Variants in UBR2 observed in about 807,000 individuals in gnomAD.
UBR2 encodes E3 ubiquitin-protein ligase UBR2.
A neutral mutation model predicts 247.9 loss-of-function variants in UBR2; 92 were observed. The observed-to-expected ratio is 0.37, with a 90% confidence interval of 0.31 to 0.44. The LOEUF (loss-of-function observed/expected upper bound fraction) is 0.44, where lower values mean the gene tolerates loss of function less well. UBR2 is among the 20% of genes least tolerant of loss of function. The pLI is 1.00. For missense variants in UBR2, 1,613 were observed against 2,112.6 expected (o/e 0.76, Z 4.64); for synonymous variants, 672 against 693.5 (o/e 0.97, Z 0.49).
chr6:42,684,902 C>T, intron 44 of UBR2, 31 bp downstream of exon 44: 2 of 1,561,134 alleles, frequency 1.3e-6, no homozygotes, highest in Non-Finnish European at 1.8e-6. Flanking sequence ...TGAACATTCC[C>T]TGCCACTGGA....
chr6:42,653,379 A>T (rs888190502), intron 25 of UBR2, among the ~76,000 whole-genome samples: 1 of 151,918 alleles, frequency 6.6e-6, no homozygotes, highest in Non-Finnish European at 1.5e-5. Context: ...CACTATGCCC[A>T]GCCCCTTGTT....
At position 42,616,024 on chromosome 6, in the gene UBR2, G is replaced by A. The variant is rs373431446; in HGVS notation, c.1116G>A (p.Gln372=). 1 of 1,605,362 alleles carries A rather than the reference G, an allele frequency of 6.2e-7. No homozygotes were observed. The stretch of plus-strand genomic sequence containing the variant: ...AAGGTGCTAGGAGTGTATATCATCA[G>A]TTGTTCATGAGCAGTCTGCTTATGG... ...LWKGARSVYH[Q]LFMSSLLMDL... Residue 372 remains glutamine (Q), a synonymous_variant, in exon 10 of 47, where the codon CAG becomes CAA. Coordinates refer to ENST00000372901, the MANE Select transcript of UBR2 (RefSeq NM_001363705.2).
At chr6:42,687,523 T>C (rs1234827552) in intron 44 of UBR2, among the ~76,000 whole-genome samples, 1 of 145,654 alleles carries the variant, frequency 6.9e-6, no homozygotes, top group Non-Finnish European at 1.5e-5. Context: ...GTATGTTGTA[T>C]TTTATTTTAT....
Position 42,691,015 on chromosome 6 carries a change from G to T in UBR2, c.5127-17G>T. On this transcript the variant is annotated splice_polypyrimidine_tract_variant and intron_variant, in intron 46 of 46. Coordinates refer to ENST00000372901, the MANE Select transcript of UBR2 (RefSeq NM_001363705.2). ...AAACAGAACACATTCTGAGTGACAT[G>T]TGTCTTCTCTTTCTAGACGGGGAAA... 1 of 1,613,160 alleles carries T rather than the reference G, an allele frequency of 6.2e-7. No homozygotes were observed. The highest frequency in any genetic ancestry group is 1.1e-5 in the South Asian group (1 of 90,998).
At chr6:42,650,970 C>T (rs1214270466) in intron 23 of UBR2, among the ~76,000 whole-genome samples, 1 of 151,918 alleles carries the variant, frequency 6.6e-6, no homozygotes, top group Non-Finnish European at 1.5e-5. Flanking sequence ...GCATGTAATC[C>T]CAGCACTTTG....
intron 11 of UBR2, 122 bp from the exon 12 acceptor site, chr6:42,632,430 A>G: frequency 2.5e-6 from 2 of 803,524 alleles, no homozygotes; most frequent in South Asian, 2.7e-5. Flanking sequence ...TGCATTTATG[A>G]TATATAGTTG....
intron 6 of UBR2, 70 bp downstream of exon 6, chr6:42,605,929 G>C: frequency 1.5e-6 from 2 of 1,304,336 alleles, no homozygotes; most frequent in South Asian, 1.4e-5. Context: ...GGTAACTGGA[G>C]AATTGAGTTA....
intron 44 of UBR2, 115 bp from the exon 45 acceptor site, chr6:42,688,101 A>G (rs1263975149): frequency 8.4e-7 from 1 of 1,194,320 alleles, no homozygotes; most frequent in Non-Finnish European, 1.2e-6. Context: ...TGTAGGATAT[A>G]CACTTCTTTG....
chr6:42,666,163 A>G lies in UBR2; in HGVS notation c.3803-4A>G, dbSNP rs1445730314. 5.6e-6 allele frequency: 9 copies of G among 1,609,384 alleles called. No individual in the cohort carries two copies. Among genetic ancestry groups the G allele is most frequent in the South Asian group, 1.1e-5 (1 of 89,988 alleles). On this transcript the variant is annotated splice_polypyrimidine_tract_variant and splice_region_variant and intron_variant, in intron 33 of 46. Coordinates refer to ENST00000372901, the MANE Select transcript of UBR2 (RefSeq NM_001363705.2). ...ATAATAGTATAAAATGCCTGTTTCT[A>G]TAGATAATGCCTCTACAAAGAATTC... is the stretch of plus-strand genomic sequence containing the variant.
intron 4 of UBR2, among the ~76,000 whole-genome samples, chr6:42,596,122 G>C (rs182772661): frequency 6.7e-6 from 1 of 148,400 alleles, no homozygotes; most frequent in East Asian, 2.0e-4. Context: ...TATCCAAAAA[G>C]GATCTAGTAT....
chr6:42,659,695 C>T lies in UBR2; in HGVS notation c.3282C>T (p.Pro1094=), dbSNP rs373591197. ...ASDMTLTALG[P]AQTQVPEQRQ... is the part of the protein sequence containing the mutation. ...ATATGACACTTACAGCACTGGGCCC[C>T]GCACAAACTCAGGTTCCTGAACAAA... The change falls in exon 30 of 47, where the codon CCC becomes CCT. Residue 1094 remains proline (P), a synonymous_variant. Transcript: ENST00000372901. This position sits in a 1 kb window ranked among gnomAD's most constrained non-coding sequence, Gnocchi z 4.3. The T allele has an allele frequency of 5.6e-6, 9 of 1,613,932 alleles. No homozygotes were observed. The highest frequency in any genetic ancestry group is 1.3e-5 in the African/African-American group (1 of 75,004).
intron 11 of UBR2, among the ~76,000 whole-genome samples, chr6:42,624,017 G>C (rs1188971430): frequency 2.0e-5 from 3 of 152,040 alleles, no homozygotes; most frequent in Non-Finnish European, 4.4e-5. Context: ...CCTTGTTATA[G>C]CCTTTTGGGG....
intron 44 of UBR2, 106 bp from the exon 45 acceptor site, chr6:42,688,110 T>C: frequency 7.6e-7 from 1 of 1,313,140 alleles, no homozygotes; most frequent in East Asian, 2.3e-5. Context: ...TACACTTCTT[T>C]GGCTTTACTT....
At chr6:42,597,303 G>C (rs1184953775) in intron 4 of UBR2, among the ~76,000 whole-genome samples, 1 of 152,074 alleles carries the variant, frequency 6.6e-6, no homozygotes, top group Non-Finnish European at 1.5e-5. Flanking sequence ...TTATATTTAA[G>C]AGTTTAATTA....
intron 10 of UBR2, among the ~76,000 whole-genome samples, chr6:42,617,048 A>G (rs1794603043): frequency 6.6e-6 from 1 of 152,172 alleles, no homozygotes; most frequent in African/African-American, 2.4e-5. Flanking sequence ...GAAAGAATCG[A>G]TATTTATACA....
At position 42,640,155 on chromosome 6, in the gene UBR2, C is replaced by G. The variant is rs1322769858; in HGVS notation, c.1859-54C>G. On this transcript the variant is annotated intron_variant, in intron 15 of 46. Transcript: ENST00000372901. ...TTGAGTGAATATTTAGGGTATTTTT[C>G]CTAAATGATTTTTACTGATAGAAAT... The G allele has an allele frequency of 2.1e-6, 3 of 1,456,262 alleles. No homozygotes were observed. The Admixed American group carries it at 5.8e-5, about 28-fold the overall frequency. The allele number at this position is 1,456,262 out of a possible 1,614,324, so 90.2% of individuals were successfully genotyped here. A position where few individuals can be genotyped will look rare whatever the true frequency, so the allele number is the denominator to read the frequency against.
At chr6:42,567,366 A>T (rs538452581) in intron 1 of UBR2, among the ~76,000 whole-genome samples, 1 of 152,132 alleles carries the variant, frequency 6.6e-6, no homozygotes. Flanking sequence ...GACTTTCCCA[A>T]CACTTCTTGG....
In UBR2 at chr6:42,670,220, C is replaced by T; in HGVS notation, c.4010C>T (p.Ala1337Val). 7 of 1,614,002 alleles carry T rather than the reference C, an allele frequency of 4.3e-6. No homozygotes were observed. Among genetic ancestry groups the T allele is most frequent in the Non-Finnish European group, 5.9e-6 (7 of 1,179,940 alleles). Residue 1337 changes from alanine (A) to valine (V), a missense_variant, in exon 35 of 47, where the codon GCG (alanine) becomes GTG (valine). By Grantham distance (64) the Ala-to-Val change is moderately conservative. Around this residue, in one of 3 missense-constraint regions of UBR2, gnomAD observed 1,524 missense variants for 1,967.3 expected, o/e 0.77. Transcript: ENST00000372901. ...CCCATAATGTGTTGGGGTAGCTGCG[C>T]GTACACCATCCAAAGCATAGGTAAG... ...RVPIMCWGSC[A>V]YTIQSIERIL...
intron 46 of UBR2, among the ~76,000 whole-genome samples, chr6:42,690,783 A>T (rs182176062): frequency 6.6e-6 from 1 of 151,876 alleles, no homozygotes; most frequent in Non-Finnish European, 1.5e-5. Context: ...CTATTCCCTC[A>T]CCTCACTCTG....
Sources: gnomAD v4.1 joint callset for allele counts (sites outside exome capture counted in the v4.1 genomes callset) on GRCh38, gnomAD v4.1.1 for gene constraint, gnomAD v4.1.1 regional missense constraint, Gnocchi (gnomAD v3.1) non-coding constraint, MANE v1.5 for transcripts, NCBI Gene and HGNC (gene_info 2026-07-23, HGNC 2026-07-21) for gene names.